The following GALNT2 variants were observed in gnomAD, a reference collection of about 807,000 sequenced individuals.
The protein encoded by GALNT2 is UDP-GalNAc:polypeptide N-acetylgalactosaminyltransferase 2.
In GALNT2, 31 loss-of-function variants were observed where a neutral mutation model predicts 81.4. The ratio of observed to expected loss-of-function variants is 0.38; its 90% confidence interval spans 0.29 to 0.51. The LOEUF is 0.51. Ranked by LOEUF, GALNT2 falls within the 20% of genes least tolerant of loss-of-function variation. The pLI is 0.87. For synonymous variants in GALNT2, 303 were observed against 287.4 expected (o/e 1.05, Z -0.55); for missense variants, 629 against 765.7 (o/e 0.82, Z 2.11).
At chr1:230,277,632 A>G (rs1359730498) in intron 15 of GALNT2, among the ~76,000 whole-genome samples, 1 of 152,158 alleles carries the variant, frequency 6.6e-6, no homozygotes, top group Non-Finnish European at 1.5e-5. Flanking sequence ...GCTGGCAAGA[A>G]CTCCAGGTGA....
Position 230,271,275 on chromosome 1 carries a change from C to G in GALNT2, c.1441-3170C>G, listed in dbSNP as rs1464651402. On this transcript the variant is annotated intron_variant, in intron 14 of 15. Coordinates refer to ENST00000366672, the MANE Select transcript of GALNT2 (RefSeq NM_004481.5). This position sits in a 1 kb window ranked among gnomAD's most constrained non-coding sequence, Gnocchi z 4.2. Reference sequence around the variant, plus strand: ...CTATGGGAAACACACACGGCTTCCTCTCTACACTCCACACCTTCCATACTC... The same window carrying G: ...CTATGGGAAACACACACGGCTTCCTGTCTACACTCCACACCTTCCATACTC... Among the ~76,000 whole-genome samples, 1 of 152,122 alleles carries G rather than the reference C, an allele frequency of 6.6e-6. No individual in the cohort carries two copies. Among genetic ancestry groups the G allele is most frequent in the East Asian group, 1.9e-4 (1 of 5,194 alleles).
chr1:230,144,401 C>T (rs1280186675), intron 1 of GALNT2, among the ~76,000 whole-genome samples: 1 of 152,198 alleles, frequency 6.6e-6, no homozygotes, highest in Non-Finnish European at 1.5e-5. Flanking sequence ...ACAGAGCCAG[C>T]GTCACCCGCA....
At chr1:230,265,564 A>G (rs1038683074) in intron 14 of GALNT2, among the ~76,000 whole-genome samples, 197 bp downstream of exon 14, 1 of 152,210 alleles carries the variant, frequency 6.6e-6, no homozygotes, top group Admixed American at 6.5e-5. Context: ...ACTTTGGTGC[A>G]TCAGCTCTGT....
chr1:230,059,287 T>C (rs963606880), intron 1 of GALNT2, among the ~76,000 whole-genome samples: 1 of 152,230 alleles, frequency 6.6e-6, no homozygotes, highest in Non-Finnish European at 1.5e-5. Flanking sequence ...CTATTCTTAC[T>C]GTACTATACA....
intron 10 of GALNT2, among the ~76,000 whole-genome samples, chr1:230,252,279 G>A (rs190371400): frequency 3.9e-5 from 6 of 152,290 alleles, no homozygotes; most frequent in East Asian, 1.9e-4. Flanking sequence ...AGAGAGGCCC[G>A]AGTAAGATCC....
intron 8 of GALNT2, 95 bp from the exon 9 acceptor site, chr1:230,249,089 C>A: frequency 8.0e-7 from 1 of 1,250,462 alleles, no homozygotes; most frequent in Non-Finnish European, 1.2e-6. Flanking sequence ...GAGTTCTGTC[C>A]AAACATCGAA....
At chr1:230,160,096 C>T (rs1388735910) in intron 1 of GALNT2, among the ~76,000 whole-genome samples, 2 of 152,208 alleles carry the variant, frequency 1.3e-5, no homozygotes, top group South Asian at 2.1e-4. Context: ...AGGATGACCA[C>T]CATCATCTCA....
At chr1:230,099,262 C>T (rs1337010512) in intron 1 of GALNT2, among the ~76,000 whole-genome samples, 1 of 152,188 alleles carries the variant, frequency 6.6e-6, no homozygotes, top group African/African-American at 2.4e-5. Context: ...TTTTGTCAAA[C>T]CCATTTGCTT....
chr1:230,255,584 G>C, intron 11 of GALNT2: 1 of 546,952 alleles, frequency 1.8e-6, no homozygotes, highest in Non-Finnish European at 3.3e-6. Context: ...TCATGTCACA[G>C]CCTCATAAAA....
At chr1:230,268,724 T>C (rs901685127) in intron 14 of GALNT2, among the ~76,000 whole-genome samples, 3 of 152,158 alleles carry the variant, frequency 2.0e-5, no homozygotes, top group Non-Finnish European at 4.4e-5. Context: ...AACCAAAGAC[T>C]TTGTCTGTGT....
chr1:230,181,726 T>A (rs1309204880), intron 2 of GALNT2, among the ~76,000 whole-genome samples: 1 of 152,148 alleles, frequency 6.6e-6, no homozygotes, highest in Non-Finnish European at 1.5e-5. Flanking sequence ...GTCTGGTTTT[T>A]GGTATTAGGG....
chr1:230,226,883 G>A (rs1025384594), intron 3 of GALNT2, among the ~76,000 whole-genome samples: 1 of 152,116 alleles, frequency 6.6e-6, no homozygotes, highest in Non-Finnish European at 1.5e-5. Flanking sequence ...ACTGCAGGGT[G>A]TAAACCTAAA....
chr1:230,119,830 G>C (rs1298797198), intron 1 of GALNT2, among the ~76,000 whole-genome samples: 1 of 152,096 alleles, frequency 6.6e-6, no homozygotes, highest in Non-Finnish European at 1.5e-5. Flanking sequence ...ATTATTATTA[G>C]GGTTCACATT....
chr1:230,098,308 G>T (rs1660307921), intron 1 of GALNT2, among the ~76,000 whole-genome samples: 1 of 152,150 alleles, frequency 6.6e-6, no homozygotes, highest in Middle Eastern at 3.4e-3. Context: ...TTTGTATGTA[G>T]TGTGAGCTCT....
At chr1:230,126,326 G>C (rs2102807042) in intron 1 of GALNT2, among the ~76,000 whole-genome samples, 1 of 152,328 alleles carries the variant, frequency 6.6e-6, no homozygotes, top group South Asian at 2.1e-4. Context: ...AAAGGGCCTG[G>C]TGATGAGTAT....
intron 3 of GALNT2, among the ~76,000 whole-genome samples, chr1:230,214,590 G>A (rs942459248): frequency 6.6e-6 from 1 of 152,072 alleles, no homozygotes; most frequent in South Asian, 2.1e-4. Context: ...TGCCTTTTCA[G>A]ATATTTCTTT....
chr1:230,124,023 G>A (rs190507861), intron 1 of GALNT2, among the ~76,000 whole-genome samples: 3 of 152,322 alleles, frequency 2.0e-5, no homozygotes, highest in Admixed American at 1.3e-4. Context: ...GAAAGCATGT[G>A]GATAGTGACG....
upstream of GALNT2, chr1:230,067,236 G>C: frequency 8.3e-7 from 1 of 1,211,612 alleles, no homozygotes; most frequent in Non-Finnish European, 1.0e-6. Flanking sequence ...GGCCCAGGCA[G>C]CACTCGCGAG....
chr1:230,083,188 C>CG (rs1307246626), intron 1 of GALNT2, among the ~76,000 whole-genome samples: 1 of 132,462 alleles, frequency 7.5e-6, no homozygotes, highest in East Asian at 2.4e-4. Flanking sequence ...GATGATGGAG[C>CG]AGGGAGCCAG....
Sources: gnomAD v4.1 joint callset for allele counts (sites outside exome capture counted in the v4.1 genomes callset) on GRCh38, gnomAD v4.1.1 for gene constraint, Gnocchi (gnomAD v3.1) non-coding constraint, MANE v1.5 for transcripts, NCBI Gene and HGNC (gene_info 2026-07-23, HGNC 2026-07-21) for gene names.